Variants in LRP1B observed in about 807,000 individuals in gnomAD.
LRP1B encodes low-density lipoprotein receptor-related protein 1B.
In LRP1B, 217 loss-of-function variants were observed where a neutral mutation model predicts 556.6. That is an observed-to-expected ratio of 0.39 (90% confidence interval 0.35 to 0.44). LRP1B has a LOEUF of 0.44. Among genes scored for constraint, LRP1B ranks in the 20% least tolerant of loss-of-function variants. The pLI, the probability that LRP1B is intolerant of heterozygous loss-of-function variation, is 1.00. For missense variants in LRP1B, 5,053 were observed against 5,620.8 expected, an observed-to-expected ratio of 0.90 and a Z score of 3.23; for synonymous variants, 2,047 against 1,865.8, an observed-to-expected ratio of 1.10 and a Z score of -2.50.
chr2:140,636,953 A>G (rs999264261), intron 41 of LRP1B, among the ~76,000 whole-genome samples: 4 of 152,218 alleles, frequency 2.6e-5, no homozygotes, highest in Non-Finnish European at 5.9e-5. Context: ...AGATGGCCCA[A>G]GGAATAAACA....
chr2:140,724,273 C>T (rs1559078214), intron 35 of LRP1B, among the ~76,000 whole-genome samples: 1 of 152,048 alleles, frequency 6.6e-6, no homozygotes. Context: ...TTGCTTGAAA[C>T]CAGGAGTTTG....
At chr2:141,616,310 A>G (rs1688299328) in intron 2 of LRP1B, among the ~76,000 whole-genome samples, 1 of 151,808 alleles carries the variant, frequency 6.6e-6, no homozygotes. Context: ...AAGAAAAAAA[A>G]GCTATATAAA....
intron 25 of LRP1B, among the ~76,000 whole-genome samples, chr2:140,869,225 T>C (rs144708338): frequency 6.6e-5 from 10 of 152,236 alleles, no homozygotes; most frequent in African/African-American, 2.4e-4. Flanking sequence ...TTTCATTCAT[T>C]CAATAAATTT....
chr2:141,114,620 G>A (rs950031932), intron 7 of LRP1B, among the ~76,000 whole-genome samples: 9 of 152,196 alleles, frequency 5.9e-5, no homozygotes, highest in Admixed American at 1.3e-4. Flanking sequence ...ATGAACAAAG[G>A]ATAGGGGTGT....
intron 18 of LRP1B, among the ~76,000 whole-genome samples, chr2:140,964,710 T>C (rs1226800012): frequency 6.6e-6 from 1 of 152,014 alleles, no homozygotes; most frequent in African/African-American, 2.4e-5. Context: ...CAACTAATGA[T>C]TAATGATACT....
intron 1 of LRP1B, among the ~76,000 whole-genome samples, chr2:141,856,246 T>C (rs1013217120): frequency 1.3e-5 from 2 of 152,140 alleles, no homozygotes; most frequent in Non-Finnish European, 2.9e-5. Context: ...TCCGTTTATA[T>C]AAAATATACA....
intron 2 of LRP1B, among the ~76,000 whole-genome samples, chr2:141,669,847 C>CAA: frequency 1.3e-5 from 2 of 152,196 alleles, no homozygotes; most frequent in South Asian, 4.2e-4. Context: ...CTCTGTCTCC[C>CAA]AGACTCAAGC....
intron 7 of LRP1B, among the ~76,000 whole-genome samples, chr2:141,161,734 G>A (rs1049856804): frequency 1.3e-5 from 2 of 152,044 alleles, no homozygotes; most frequent in African/African-American, 2.4e-5. Flanking sequence ...GGGCAAAGTT[G>A]TGCTTGTTGC....
chr2:142,025,030 A>G (rs563804756), intron 1 of LRP1B, among the ~76,000 whole-genome samples: 2 of 152,282 alleles, frequency 1.3e-5, no homozygotes, highest in Non-Finnish European at 2.9e-5. Flanking sequence ...AAAGAAAACC[A>G]AAGCAGAGGA....
chr2:140,577,900 G>T (rs934797494), intron 43 of LRP1B, among the ~76,000 whole-genome samples: 8 of 152,058 alleles, frequency 5.3e-5, no homozygotes, highest in African/African-American at 1.7e-4. Context: ...TAATGGAAAA[G>T]CAATTCTGAT....
chr2:140,463,483 G>A (rs1291288721), intron 60 of LRP1B, among the ~76,000 whole-genome samples: 1 of 152,092 alleles, frequency 6.6e-6, no homozygotes, highest in Admixed American at 6.6e-5. Flanking sequence ...TGAACATTTT[G>A]CCTGCTTACC....
At position 141,379,009 on chromosome 2, in the gene LRP1B, A is replaced by G. The variant is rs1390809601; in HGVS notation, c.343+101387T>C. Among the ~76,000 whole-genome samples the G allele has an allele frequency of 7.2e-5, 11 of 152,324 alleles. No individual in the cohort carries two copies. In the East Asian group the frequency reaches 1.9e-3, roughly 27 times the overall value. On this transcript the variant is annotated intron_variant, in intron 3 of 90. Transcript: ENST00000389484. ...AAATTTGATAAAGTATACACATTCA[A>G]GAAACCCAACAAATCTCAAGGGAAC... is the stretch of plus-strand genomic sequence containing the variant.
intron 2 of LRP1B, among the ~76,000 whole-genome samples, chr2:141,644,294 T>G (rs1467331283): frequency 6.6e-6 from 1 of 151,938 alleles, no homozygotes; most frequent in Non-Finnish European, 1.5e-5. Flanking sequence ...CTTATGATAG[T>G]GAATAAGTCC....
chr2:140,811,104 A>G (rs1443585093), intron 32 of LRP1B, among the ~76,000 whole-genome samples: 2 of 152,046 alleles, frequency 1.3e-5, no homozygotes, highest in African/African-American at 4.8e-5. Context: ...TACTCAAATT[A>G]CAGTGGCAAA....
intron 1 of LRP1B, among the ~76,000 whole-genome samples, chr2:142,082,570 C>T (rs956799): frequency 0.25 from 37,263 of 151,998 alleles, 4,862 homozygotes; most frequent in Non-Finnish European, 0.26. Context: ...TCCCAGGTGG[C>T]GCAGCCGGAA....
intron 41 of LRP1B, among the ~76,000 whole-genome samples, chr2:140,683,130 TCTC>T (rs1685922448): frequency 6.6e-6 from 1 of 152,274 alleles, no homozygotes; most frequent in East Asian, 1.9e-4. Context: ...TCTTTTTCTT[TCTC>T]CTTTTTTTTA....
Position 140,366,447 on chromosome 2 carries a change from G to A in LRP1B, c.11009-1664C>T, listed in dbSNP as rs755608317. Among the ~76,000 whole-genome samples the A allele has an allele frequency of 3.3e-4, 50 of 151,716 alleles. 1 individual carries two copies. The highest frequency in any genetic ancestry group is 7.2e-4 in the Non-Finnish European group (49 of 67,818). On this transcript the variant is annotated intron_variant, in intron 71 of 90. Transcript: ENST00000389484. The stretch of plus-strand genomic sequence containing the variant: ...TGTGGTGATGTCGAGCAAGCTGGTG[G>A]ATAAATATGTCTGAAATATAGGATA...
At chr2:140,348,641 T>A (rs1157651359) in intron 77 of LRP1B, among the ~76,000 whole-genome samples, 1 of 152,136 alleles carries the variant, frequency 6.6e-6, no homozygotes, top group African/African-American at 2.4e-5. Context: ...AAAAGTAAAG[T>A]TTTATATCCT....
intron 5 of LRP1B, among the ~76,000 whole-genome samples, chr2:141,232,851 C>G (rs1243658380): frequency 2.6e-5 from 4 of 152,028 alleles, no homozygotes; most frequent in African/African-American, 9.7e-5. Context: ...GACAGAAGGT[C>G]AAATATGGAG....
Sources: gnomAD v4.1 joint callset for allele counts (sites outside exome capture counted in the v4.1 genomes callset) on GRCh38, gnomAD v4.1.1 for gene constraint, MANE v1.5 for transcripts, NCBI Gene and HGNC (gene_info 2026-07-23, HGNC 2026-07-21) for gene names.